The following MERTK variants were observed in gnomAD, a reference collection of about 807,000 sequenced individuals.
MERTK encodes MER proto-oncogene, tyrosine kinase, also known as tyrosine-protein kinase Mer.
In MERTK, 69 loss-of-function variants were observed where a neutral mutation model predicts 99.3. That is an observed-to-expected ratio of 0.70 (90% confidence interval 0.57 to 0.85). The LOEUF is 0.85. Among genes scored for constraint, MERTK ranks in the 40% least tolerant of loss-of-function variants. The pLI is 0.00. For missense variants in MERTK, 1,125 were observed against 1,249.4 expected (o/e 0.90, Z 1.50); for synonymous variants, 426 against 467.6 (o/e 0.91, Z 1.15).
intron 3 of MERTK, 32 bp from the exon 4 acceptor site, chr2:111,947,362 A>G (rs889592873): frequency 8.8e-6 from 14 of 1,592,606 alleles, no homozygotes; most frequent in Non-Finnish European, 1.2e-5. Flanking sequence ...TTCAGATCTG[A>G]AACATTCTTT....
intron 1 of MERTK, among the ~76,000 whole-genome samples, chr2:111,913,584 C>T (rs189057107): frequency 1.3e-5 from 2 of 152,212 alleles, no homozygotes; most frequent in Admixed American, 1.3e-4. Context: ...CACTCTGTCA[C>T]CCAGGTTGGA....
chr2:111,963,177 C>T (rs1670409238), intron 4 of MERTK, among the ~76,000 whole-genome samples: 1 of 152,210 alleles, frequency 6.6e-6, no homozygotes, highest in African/African-American at 2.4e-5. Flanking sequence ...ACATAAACAT[C>T]TCAATGTCTT....
intron 2 of MERTK, among the ~76,000 whole-genome samples, chr2:111,937,508 C>T (rs539008648): frequency 6.6e-6 from 1 of 152,174 alleles, no homozygotes; most frequent in East Asian, 1.9e-4. Context: ...CCTTTGGGGC[C>T]CCCATCTCCA....
At chr2:112,027,528 A>G (rs895959478) in intron 18 of MERTK, among the ~76,000 whole-genome samples, 4 of 152,110 alleles carry the variant, frequency 2.6e-5, no homozygotes, top group Non-Finnish European at 4.4e-5. Context: ...TATATTAGAC[A>G]CTGGGATGAA....
At chr2:112,021,193 C>G (rs1187789072) in intron 16 of MERTK, among the ~76,000 whole-genome samples, 1 of 152,006 alleles carries the variant, frequency 6.6e-6, no homozygotes, top group Non-Finnish European at 1.5e-5. Flanking sequence ...GGGTGAGACT[C>G]TATCTCAAAA....
chr2:112,021,599 A>C lies in MERTK; in HGVS notation c.2349+18A>C. 1 of 1,601,684 alleles carries C rather than the reference A, an allele frequency of 6.2e-7. No individual in the cohort carries two copies. The highest frequency in any genetic ancestry group is 1.1e-5 in the South Asian group (1 of 90,824). On this transcript the variant is annotated intron_variant, in intron 17 of 18. Transcript: ENST00000295408. ...GTGATGTGGTATGTACACAGCTTTG[A>C]TTCAGGGGTCCCACAGCACAAAGAG... is the stretch of plus-strand genomic sequence containing the variant.
intron 18 of MERTK, among the ~76,000 whole-genome samples, chr2:112,024,127 G>T (rs898082187): frequency 6.6e-6 from 1 of 152,198 alleles, no homozygotes; most frequent in Non-Finnish European, 1.5e-5. Flanking sequence ...AATAAAATTA[G>T]TTCTAGGGTT....
At chr2:111,910,612 A>G (rs7349207) in intron 1 of MERTK, among the ~76,000 whole-genome samples, 33,479 of 95,342 alleles carry the variant, frequency 0.35, 3,855 homozygotes, top group Middle Eastern at 0.49. Flanking sequence ...GTGTGTGTGT[A>G]TATATATATA....
At chr2:111,944,519 T>A in intron 2 of MERTK, among the ~76,000 whole-genome samples, 2 of 152,310 alleles carry the variant, frequency 1.3e-5, no homozygotes, top group Non-Finnish European at 1.5e-5. Flanking sequence ...ATAATTCCTC[T>A]GTTTTAAGGA....
Position 111,898,697 on chromosome 2 carries a change from C to T in MERTK, c.-39C>T, listed in dbSNP as rs1683971244. On this transcript the variant is annotated 5_prime_UTR_variant, in exon 1 of 19. Coordinates refer to ENST00000295408, the MANE Select transcript of MERTK (RefSeq NM_006343.3). Reference sequence around the variant, plus strand: ...GACAGGTTCGGGACGTCCATCTGTCCATCCGTCCGGAGAGAAATTACAGAT... The same window carrying T: ...GACAGGTTCGGGACGTCCATCTGTCTATCCGTCCGGAGAGAAATTACAGAT... 3.8e-6 allele frequency: 6 copies of T among 1,595,268 alleles called. No homozygotes were observed. In the East Asian group the frequency reaches 1.1e-4, roughly 30 times the overall value.
chr2:111,972,019 C>CATTT (rs1451629241), intron 6 of MERTK, among the ~76,000 whole-genome samples: 1 of 152,114 alleles, frequency 6.6e-6, no homozygotes, highest in Non-Finnish European at 1.5e-5. Flanking sequence ...TAGAGGTAGA[C>CATTT]ATTTATTTAT....
chr2:111,910,266 G>GT (rs1215988440), intron 1 of MERTK, among the ~76,000 whole-genome samples: 211 of 69,932 alleles, frequency 3.0e-3, no homozygotes, highest in African/African-American at 9.5e-3. Flanking sequence ...CCCTGTCTCT[G>GT]TTTTTTGTTT....
chr2:111,988,059 G>A (rs539899664), intron 8 of MERTK, among the ~76,000 whole-genome samples: 1 of 149,370 alleles, frequency 6.7e-6, no homozygotes, highest in South Asian at 2.1e-4. Context: ...GCACGATCTC[G>A]GCTCACTGCA....
intron 1 of MERTK, among the ~76,000 whole-genome samples, chr2:111,925,292 ATTTTTTTT>A (rs11433691): frequency 8.2e-5 from 2 of 24,496 alleles, no homozygotes; most frequent in African/African-American, 1.4e-4. Flanking sequence ...ATATATATAT[ATTTTTTTT>A]TTTTTTTTTT....
intron 8 of MERTK, among the ~76,000 whole-genome samples, chr2:111,985,409 G>A (rs1676456643): frequency 6.6e-6 from 1 of 152,148 alleles, no homozygotes; most frequent in African/African-American, 2.4e-5. Flanking sequence ...TGGAAGGGCA[G>A]ATGCACTGGT....
chr2:112,019,250 A>G (rs557811521), intron 15 of MERTK, 163 bp from the exon 16 acceptor site: 57 of 755,448 alleles, frequency 7.5e-5, no homozygotes, highest in South Asian at 7.3e-4. Context: ...CCTTTTTAAA[A>G]ACCTTATTTG....
intron 5 of MERTK, among the ~76,000 whole-genome samples, chr2:111,966,054 T>C (rs1685353414): frequency 6.6e-6 from 1 of 152,250 alleles, no homozygotes; most frequent in Non-Finnish European, 1.5e-5. Flanking sequence ...GTAGTATCTT[T>C]TTATTTCATT....
intron 4 of MERTK, among the ~76,000 whole-genome samples, chr2:111,950,383 T>C (rs1176716662): frequency 6.6e-6 from 1 of 152,244 alleles, no homozygotes; most frequent in East Asian, 1.9e-4. Flanking sequence ...GCAAGTCTTT[T>C]GGAGGACATA....
chr2:111,948,399 G>A (rs1684997780), intron 4 of MERTK, among the ~76,000 whole-genome samples: 1 of 152,158 alleles, frequency 6.6e-6, no homozygotes, highest in Non-Finnish European at 1.5e-5. Flanking sequence ...CCCCTTGGGA[G>A]AGTTTCTTTG....
Sources: allele counts gnomAD v4.1 joint callset (sites outside exome capture counted in the v4.1 genomes callset), GRCh38; gene constraint gnomAD v4.1.1; transcripts MANE v1.5; gene names NCBI Gene and HGNC (gene_info 2026-07-23, HGNC 2026-07-21).